Variants in SNUPN observed in about 807,000 individuals in gnomAD.
SNUPN encodes snurportin-1.
A neutral mutation model predicts 39.2 loss-of-function variants in SNUPN; 31 were observed. The observed-to-expected ratio is 0.79, with a 90% CI of 0.59 to 1.07. The LOEUF is 1.07. Among genes scored for constraint, SNUPN ranks in the 50% least tolerant of loss-of-function variants. The probability of loss-of-function intolerance (pLI) is 0.00; values close to 1 mark genes in which losing one functional copy is unlikely to be tolerated. For missense variants in SNUPN, 382 were observed against 434.2 expected (o/e 0.88, Z 1.07); for synonymous variants, 132 against 159.0 (o/e 0.83, Z 1.28).
In SNUPN at chr15:75,602,525, C is replaced by CAAAA. The variant is rs530791161; in HGVS notation, c.679-1311_679-1308dup. 2.0e-3 allele frequency among the ~76,000 whole-genome samples: 242 copies of CAAAA among 121,242 alleles called. 1 individual carries two copies. The highest frequency in any genetic ancestry group is 0.014 in the Middle Eastern group (3 of 214). 79.5% of individuals were successfully genotyped at this position (121,242 alleles called of 152,430 possible). On this transcript the variant is annotated intron_variant, in intron 7 of 8. Transcript: ENST00000308588. ...TGAGCAACAGAGCAAGACTCGGTCT[C>CAAAA]AAAAAAAAAAAAAAAAATATTACTG...
At chr15:75,607,171 A>T (rs1181174790) in intron 6 of SNUPN, 45 bp downstream of exon 6, 2 of 1,376,896 alleles carry the variant, frequency 1.5e-6, no homozygotes, top group Non-Finnish European at 2.1e-6. Flanking sequence ...TCCCAGGAGG[A>T]GAGGAGAAGA....
intron 1 of SNUPN, chr15:75,624,687 GT>G (rs1317789025): frequency 8.2e-7 from 1 of 1,224,944 alleles, no homozygotes; most frequent in African/African-American, 1.6e-5. Flanking sequence ...AAAAACTGAT[GT>G]CCTGGATACT....
At chr15:75,609,174 CTTTTTTTT>C (rs1205961290) in intron 5 of SNUPN, among the ~76,000 whole-genome samples, 1 of 89,672 alleles carries the variant, frequency 1.1e-5, no homozygotes, top group Non-Finnish European at 2.4e-5. Context: ...CAAAGTGGGT[CTTTTTTTT>C]TTTTTTTTTT....
chr15:75,621,161 T>A, intron 1 of SNUPN, 105 bp from the exon 2 acceptor site: 1 of 1,103,530 alleles, frequency 9.1e-7, no homozygotes, highest in Non-Finnish European at 1.3e-6. Flanking sequence ...GAAAAAAAAT[T>A]AACTTAATGC....
chr15:75,604,716 A>C (rs2075317976), intron 7 of SNUPN, among the ~76,000 whole-genome samples: 1 of 152,164 alleles, frequency 6.6e-6, no homozygotes. Flanking sequence ...CTTAGTAATA[A>C]ATTTTTTTTA....
In SNUPN at chr15:75,608,159, T is replaced by C. The variant is rs554463383; in HGVS notation, c.503-846A>G. On this transcript the variant is annotated intron_variant, in intron 5 of 8. Transcript: ENST00000308588. ...ACTTTGGGAGGCCAAGGCAGGCAGATGGCTTTGAGCCCAGGAGTTTCAGAC... is the reference window on the plus strand; with the variant it reads ...ACTTTGGGAGGCCAAGGCAGGCAGACGGCTTTGAGCCCAGGAGTTTCAGAC... Among the ~76,000 whole-genome samples, 5 of 152,214 alleles carry C rather than the reference T, an allele frequency of 3.3e-5. No individual in the cohort carries two copies. In the South Asian group the frequency reaches 1.0e-3, roughly 32 times the overall value.
At chr15:75,620,043 C>A (rs1191641777) in intron 2 of SNUPN, among the ~76,000 whole-genome samples, 1 of 152,108 alleles carries the variant, frequency 6.6e-6, no homozygotes, top group Non-Finnish European at 1.5e-5. Flanking sequence ...GCCACCATGC[C>A]CGGCCTCTTA....
At chr15:75,618,044 T>A (rs971328355) in intron 2 of SNUPN, among the ~76,000 whole-genome samples, 10 of 152,170 alleles carry the variant, frequency 6.6e-5, no homozygotes, top group Non-Finnish European at 1.3e-4. Context: ...AAATCCTAAA[T>A]AGCGAAACCC....
At chr15:75,603,605 G>A (rs1245505740) in intron 7 of SNUPN, among the ~76,000 whole-genome samples, 2 of 148,772 alleles carry the variant, frequency 1.3e-5, no homozygotes, top group African/African-American at 5.0e-5. Context: ...AGCTTGCAGT[G>A]AGCCGAGATC....
In SNUPN at chr15:75,598,608, C is replaced by T. The variant is rs769943698; in HGVS notation, c.833G>A (p.Arg278His). The T allele has an allele frequency of 8.7e-6, 14 of 1,613,898 alleles. No individual in the cohort carries two copies. The highest frequency in any genetic ancestry group is 2.2e-5 in the East Asian group (1 of 44,872). ...AAGGACATCTGACACCATGTAGGGG[C>T]GCAGCCAGCCCACCAAGGGAGTGCT... ...PGSTPLVGWLRPYMVSDVLGV... is the reference protein window; with the variant it reads ...PGSTPLVGWLHPYMVSDVLGV... Residue 278 changes from arginine (R) to histidine (H), a missense_variant, in exon 9 of 9, where the codon CGC (arginine) becomes CAC (histidine). By Grantham distance (29) the Arg-to-His change is conservative (BLOSUM62 0). Coordinates refer to ENST00000308588, the MANE Select transcript of SNUPN (RefSeq NM_005701.4).
At chr15:75,609,174 CTT>C (rs1205961290) in intron 5 of SNUPN, among the ~76,000 whole-genome samples, 3 of 89,672 alleles carry the variant, frequency 3.3e-5, no homozygotes, top group Non-Finnish European at 4.8e-5. Context: ...CAAAGTGGGT[CTT>C]TTTTTTTTTT....
At chr15:75,603,753 G>A (rs983229834) in intron 7 of SNUPN, among the ~76,000 whole-genome samples, 2 of 151,380 alleles carry the variant, frequency 1.3e-5, no homozygotes, top group Non-Finnish European at 2.9e-5. Flanking sequence ...GTGGTTGTGT[G>A]TTATTCTCTT....
At chr15:75,599,286 C>T (rs1423253932) in intron 8 of SNUPN, among the ~76,000 whole-genome samples, 2 of 152,234 alleles carry the variant, frequency 1.3e-5, no homozygotes, top group Non-Finnish European at 2.9e-5. Flanking sequence ...GATGGGGCTG[C>T]TCATACTCAG....
intron 2 of SNUPN, among the ~76,000 whole-genome samples, chr15:75,619,325 C>T (rs1893012219): frequency 6.6e-6 from 1 of 151,598 alleles, no homozygotes; most frequent in South Asian, 2.1e-4. Context: ...CTACCACACA[C>T]ACTTGCTCAT....
chr15:75,610,298 G>C (rs530435680), intron 3 of SNUPN, among the ~76,000 whole-genome samples: 6 of 151,796 alleles, frequency 4.0e-5, no homozygotes, highest in Admixed American at 1.3e-4. Flanking sequence ...TACTAGGAAG[G>C]CTGAGCCACG....
intron 3 of SNUPN, among the ~76,000 whole-genome samples, chr15:75,611,187 A>C (rs1376029776): frequency 6.7e-6 from 1 of 149,666 alleles, no homozygotes; most frequent in Non-Finnish European, 1.5e-5. Flanking sequence ...AAAAAAAAAG[A>C]CTTTGTCCCA....
At position 75,620,910 on chromosome 15, in the gene SNUPN, G is replaced by A. The variant is rs766445450; in HGVS notation, c.142C>T (p.Leu48=). 2.5e-6 allele frequency: 4 copies of A among 1,613,312 alleles called. No individual in the cohort carries two copies. Among genetic ancestry groups the A allele is most frequent in the Non-Finnish European group, 3.4e-6 (4 of 1,179,790 alleles). Residue 48 remains leucine, a synonymous_variant, in exon 2 of 9, where the codon CTG becomes TTG. Transcript: ENST00000308588. ...LEQSERRRRL[L]ELQKSKRLDY... is the part of the protein sequence containing the mutation. ...CTTCCTTACGATTTCTGCAGTTCCA[G>A]TAACCTCCGGCGGCGCTCACTCTGC...
At chr15:75,607,874 C>G (rs868824547) in intron 5 of SNUPN, among the ~76,000 whole-genome samples, 6 of 152,080 alleles carry the variant, frequency 3.9e-5, no homozygotes, top group Non-Finnish European at 7.4e-5. Flanking sequence ...CTTCTGGGAC[C>G]AGCCGGGTTT....
At chr15:75,603,824 T>A (rs1389202430) in intron 7 of SNUPN, among the ~76,000 whole-genome samples, 1 of 152,158 alleles carries the variant, frequency 6.6e-6, no homozygotes. Context: ...CCTGCAAGGA[T>A]TTTTAGACTG....
Sources: gnomAD v4.1 joint callset for allele counts (sites outside exome capture counted in the v4.1 genomes callset) on GRCh38, gnomAD v4.1.1 for gene constraint, MANE v1.5 for transcripts, NCBI Gene and HGNC (gene_info 2026-07-23, HGNC 2026-07-21) for gene names.